The following CDH18 variants were observed in gnomAD, a reference collection of about 807,000 sequenced individuals.
The protein encoded by CDH18 is cadherin-18.
CDH18 carries 31 observed loss-of-function variants against 67.9 expected under a neutral mutation model. The observed-to-expected ratio is 0.46, with a 90% CI of 0.34 to 0.62. The LOEUF (loss-of-function observed/expected upper bound fraction) is 0.62. Ranked by LOEUF, CDH18 falls within the 20% of genes least tolerant of loss-of-function variation. The pLI, the probability that CDH18 is intolerant of heterozygous loss-of-function variation, is 0.01. For missense variants in CDH18, 890 were observed against 975.5 expected, an observed-to-expected ratio of 0.91 and a Z score of 1.17; for synonymous variants, 362 against 347.2, an observed-to-expected ratio of 1.04 and a Z score of -0.48.
At chr5:20,463,615 A>T (rs1405522738) in intron 1 of CDH18, among the ~76,000 whole-genome samples, 1 of 152,144 alleles carries the variant, frequency 6.6e-6, no homozygotes, top group African/African-American at 2.4e-5. Flanking sequence ...GCATGGGGGA[A>T]ACCATCACCA....
At chr5:20,162,712 T>A (rs531629811) in intron 2 of CDH18, among the ~76,000 whole-genome samples, 1 of 151,576 alleles carries the variant, frequency 6.6e-6, no homozygotes, top group African/African-American at 2.4e-5. Flanking sequence ...TACATACATA[T>A]ATATATGTCT....
intron 2 of CDH18, among the ~76,000 whole-genome samples, chr5:20,238,803 C>T (rs7735859): frequency 0.7 from 106,588 of 151,970 alleles, 38,041 homozygotes; most frequent in African/African-American, 0.85. Context: ...TAGATGCATG[C>T]TAAACAAACA....
chr5:20,356,908 CGT>C (rs1741675782), intron 1 of CDH18, among the ~76,000 whole-genome samples: 1 of 149,418 alleles, frequency 6.7e-6, no homozygotes, highest in Non-Finnish European at 1.5e-5. Flanking sequence ...TGTATATATA[CGT>C]GTGTATACAT....
chr5:20,063,966 T>A (rs914598007), intron 2 of CDH18, among the ~76,000 whole-genome samples: 2 of 152,166 alleles, frequency 1.3e-5, no homozygotes, highest in African/African-American at 4.8e-5. Context: ...ATAAGATCAA[T>A]AAATATTCAC....
intron 3 of CDH18, among the ~76,000 whole-genome samples, chr5:19,811,158 G>GA (rs1467648638): frequency 0.28 from 5,258 of 18,490 alleles, 1,133 homozygotes; most frequent in South Asian, 0.34. Flanking sequence ...AAGAAAGAAA[G>GA]AAGGAGAGAA....
chr5:20,418,845 TG>T (rs1747572766), intron 1 of CDH18, among the ~76,000 whole-genome samples: 1 of 151,872 alleles, frequency 6.6e-6, no homozygotes. Flanking sequence ...TGTTAGGAGG[TG>T]GGGCCTTTGG....
chr5:19,507,761 G>T (rs1744442881), intron 10 of CDH18, among the ~76,000 whole-genome samples: 1 of 152,076 alleles, frequency 6.6e-6, no homozygotes, highest in South Asian at 2.1e-4. Flanking sequence ...GTTGTGGGTT[G>T]GGAGGAGGGG....
intron 1 of CDH18, among the ~76,000 whole-genome samples, chr5:20,300,601 A>C (rs1201923543): frequency 2.0e-5 from 3 of 152,100 alleles, no homozygotes; most frequent in African/African-American, 4.8e-5. Context: ...CCTTAAGAAT[A>C]AATCGGTCAA....
At chr5:20,195,592 T>C (rs1351445048) in intron 2 of CDH18, among the ~76,000 whole-genome samples, 2 of 152,088 alleles carry the variant, frequency 1.3e-5, no homozygotes, top group African/African-American at 4.8e-5. Context: ...ATTGAATATA[T>C]CAAAATACTT....
upstream of CDH18, among the ~76,000 whole-genome samples, chr5:19,990,932 T>G (rs1035097845): frequency 1.3e-5 from 2 of 152,190 alleles, no homozygotes; most frequent in African/African-American, 2.4e-5. Context: ...CAGAATTTAT[T>G]ACAGAACTAA....
intron 4 of CDH18, among the ~76,000 whole-genome samples, chr5:19,728,855 G>T (rs924122363): frequency 6.6e-6 from 1 of 151,980 alleles, no homozygotes; most frequent in African/African-American, 2.4e-5. Context: ...GATTTTCCCA[G>T]GAAACATGAA....
At chr5:19,560,493 C>G (rs917479736) in intron 8 of CDH18, among the ~76,000 whole-genome samples, 2 of 151,952 alleles carry the variant, frequency 1.3e-5, no homozygotes, top group Admixed American at 6.6e-5. Flanking sequence ...CATTTCTCAC[C>G]CTTATACAAA....
At chr5:19,482,262 C>A (rs1010851798) in intron 12 of CDH18, among the ~76,000 whole-genome samples, 7 of 152,060 alleles carry the variant, frequency 4.6e-5, no homozygotes, top group African/African-American at 1.7e-4. Flanking sequence ...ACTACAGGTG[C>A]CTGCCACCAC....
chr5:19,952,208 C>T (rs1795862795), intron 2 of CDH18, among the ~76,000 whole-genome samples: 1 of 152,136 alleles, frequency 6.6e-6, no homozygotes, highest in African/African-American at 2.4e-5. Flanking sequence ...CGCCACCACA[C>T]CTGGCTAATT....
intron 2 of CDH18, among the ~76,000 whole-genome samples, chr5:19,847,223 C>G (rs1475819975): frequency 1.3e-5 from 2 of 151,946 alleles, no homozygotes; most frequent in Admixed American, 1.3e-4. Flanking sequence ...ACTCATTGAT[C>G]TTTTCTCAAT....
At chr5:19,507,906 T>G (rs1210970560) in intron 10 of CDH18, among the ~76,000 whole-genome samples, 1 of 151,236 alleles carries the variant, frequency 6.6e-6, no homozygotes, top group Non-Finnish European at 1.5e-5. Flanking sequence ...AAAGTATAAT[T>G]TAAAAAAAAG....
intron 3 of CDH18, among the ~76,000 whole-genome samples, chr5:19,819,976 C>T (rs745688243): frequency 2.0e-4 from 31 of 152,140 alleles, no homozygotes; most frequent in Non-Finnish European, 4.1e-4. Flanking sequence ...CAGTTTGCCC[C>T]TCCCCAGTAG....
chr5:19,932,577 C>T (rs9986203), intron 2 of CDH18, among the ~76,000 whole-genome samples: 80,906 of 151,210 alleles, frequency 0.54, 22,155 homozygotes, highest in Middle Eastern at 0.75. Context: ...AATACACACA[C>T]CTTGAATTTA....
intron 1 of CDH18, among the ~76,000 whole-genome samples, chr5:20,481,038 G>C (rs1398517497): frequency 6.6e-6 from 1 of 151,784 alleles, no homozygotes; most frequent in Admixed American, 6.6e-5. Flanking sequence ...CCAGTCAAAA[G>C]ATATAGAGTG....
Sources: allele counts gnomAD v4.1 joint callset (sites outside exome capture counted in the v4.1 genomes callset), GRCh38; gene constraint gnomAD v4.1.1; transcripts MANE v1.5; gene names NCBI Gene and HGNC (gene_info 2026-07-23, HGNC 2026-07-21).